The following OFD1 variants were observed in gnomAD, a reference collection of about 807,000 sequenced individuals.
OFD1 encodes the protein centriole and centriolar satellite protein OFD1.
A neutral mutation model predicts 81.4 loss-of-function variants in OFD1; 12 were observed. That is an observed-to-expected ratio of 0.15 (90% confidence interval 0.09 to 0.24). The LOEUF (loss-of-function observed/expected upper bound fraction) is 0.24, where lower values mean the gene tolerates loss of function less well. Ranked by LOEUF, OFD1 falls within the 10% of genes least tolerant of loss-of-function variation. The pLI, the probability that OFD1 is intolerant of heterozygous loss-of-function variation, is 1.00. For missense variants in OFD1, 685 were observed against 733.9 expected, an observed-to-expected ratio of 0.93 and a Z score of 0.77; for synonymous variants, 256 against 263.7, an observed-to-expected ratio of 0.97 and a Z score of 0.28.
At chrX:13,727,341 A>G in the OFD1 span, among the ~76,000 whole-genome samples, 1,578 of 112,343 alleles carry the variant, frequency 0.014, 30 homozygotes, top group African/African-American at 0.048. Context: ...AATTGACTAC[A>G]TAATTGGAAG....
chrX:13,767,316 T>C, intron 20 of OFD1, 32 bp downstream of exon 20: 1 of 1,195,176 alleles, frequency 8.4e-7, no homozygotes, highest in African/African-American at 1.7e-5. Flanking sequence ...TCTGAACTGG[T>C]TGCTCCATTG....
At chrX:13,716,800 C>G in the OFD1 span, 1 of 706,460 alleles carries the variant, frequency 1.4e-6, no homozygotes, top group Admixed American at 2.9e-5. Context: ...TGCTTTTATA[C>G]TTTGTTATTG....
At chrX:13,770,844 A>G (rs778887894), downstream of OFD1, among the ~76,000 whole-genome samples, 3 of 112,489 alleles carry the variant, frequency 2.7e-5, no homozygotes, top group Non-Finnish European at 5.6e-5. Flanking sequence ...TTTGATTTCC[A>G]TACCAATGTG....
At chrX:13,747,092 A>G in intron 8 of OFD1, 139 bp downstream of exon 8, 1 of 581,642 alleles carries the variant, frequency 1.7e-6, no homozygotes, top group Non-Finnish European at 2.9e-6. Context: ...GAGTGCAAAT[A>G]GAAGGATGGT....
rs1192138078 is a variant in OFD1, at chrX:13,734,922, A to G, written c.-150A>G. ...TGGGAGTGCGAGGCAGAGAACGTTC[A>G]GCACCTTTGTTCCTCCCGAACCCTC... On this transcript the variant is annotated 5_prime_UTR_variant, in exon 1 of 23. Coordinates refer to ENST00000340096, the MANE Select transcript of OFD1 (RefSeq NM_003611.3). 1 of 1,102,631 alleles carries G rather than the reference A, an allele frequency of 9.1e-7. No homozygotes were observed. Among genetic ancestry groups the G allele is most frequent in the Non-Finnish European group, 1.2e-6 (1 of 849,551 alleles). The allele number at this position is 1,102,631 out of a possible 1,213,427, so 90.9% of individuals were successfully genotyped here. A position where few individuals can be genotyped will look rare whatever the true frequency, so the allele number is the denominator to read the frequency against.
At chrX:13,768,260 G>C in intron 21 of OFD1, 36 bp downstream of exon 21, 2 of 1,032,803 alleles carry the variant, frequency 1.9e-6, no homozygotes, top group Non-Finnish European at 2.7e-6. Context: ...CTGTGGGTGG[G>C]GGACATCCAG....
the OFD1 span, among the ~76,000 whole-genome samples, chrX:13,714,827 C>T: frequency 8.9e-6 from 1 of 111,792 alleles, no homozygotes; most frequent in African/African-American, 3.3e-5. Context: ...ATCTCTATGG[C>T]CCTTTGGCTA....
chrX:13,736,690 C>T lies in OFD1; in HGVS notation c.312+12C>T. 8.5e-7 allele frequency: 1 copy of T among 1,176,229 alleles called. No homozygotes were observed. Among genetic ancestry groups the T allele is most frequent in the Non-Finnish European group, 1.2e-6 (1 of 863,759 alleles). ...TGGCAAAAGAAAAGGTAAAGTCTTT[C>T]CTTTTCTGTTTCTGAAGTTTTTATT... On this transcript the variant is annotated intron_variant, in intron 3 of 22. Coordinates refer to ENST00000340096, the MANE Select transcript of OFD1 (RefSeq NM_003611.3).
intron 5 of OFD1, among the ~76,000 whole-genome samples, chrX:13,743,587 C>T (rs921411794): frequency 4.4e-5 from 5 of 112,382 alleles, no homozygotes; most frequent in African/African-American, 1.6e-4. Context: ...ACTCCCTTGC[C>T]AACACTTAGC....
chrX:13,716,432 TG>T, the OFD1 span: 1 of 1,015,635 alleles, frequency 9.8e-7, no homozygotes, highest in East Asian at 3.1e-5. Flanking sequence ...TTCACCTGAC[TG>T]TGAAGTCTAC....
chrX:13,744,334 T>C (rs1454311784), intron 5 of OFD1, 81 bp from the exon 6 acceptor site: 2 of 563,964 alleles, frequency 3.5e-6, no homozygotes, highest in African/African-American at 4.6e-5. Context: ...AATGATAATG[T>C]CCTAAAACTA....
intron 9 of OFD1, among the ~76,000 whole-genome samples, chrX:13,751,024 C>T (rs1196495804): frequency 9.0e-6 from 1 of 111,590 alleles, no homozygotes; most frequent in African/African-American, 3.3e-5. Context: ...GAGACTCTCC[C>T]ACTCCCCTCA....
chrX:13,725,225 G>A, the OFD1 span, among the ~76,000 whole-genome samples: 1 of 113,099 alleles, frequency 8.8e-6, no homozygotes, highest in Non-Finnish European at 1.9e-5. Flanking sequence ...ATCCCTGTCT[G>A]ACAGCTCTGA....
chrX:13,716,203 G>A, the OFD1 span: 1 of 836,359 alleles, frequency 1.2e-6, no homozygotes, highest in Non-Finnish European at 1.6e-6. Flanking sequence ...TGGAAAAGTT[G>A]AATATATAAA....
At chrX:13,716,309 G>C in the OFD1 span, 2 of 548,441 alleles carry the variant, frequency 3.6e-6, no homozygotes, top group Non-Finnish European at 5.8e-6. Context: ...CCCTTGATAG[G>C]GTCCAGATAA....
intron 19 of OFD1, among the ~76,000 whole-genome samples, chrX:13,764,786 G>C (rs1602927331): frequency 8.9e-6 from 1 of 112,187 alleles, no homozygotes; most frequent in African/African-American, 3.2e-5. Flanking sequence ...GCTTTGGAAA[G>C]CATTCAGTGA....
chrX:13,766,862 T>G (rs1295250415), intron 19 of OFD1, among the ~76,000 whole-genome samples: 2 of 111,115 alleles, frequency 1.8e-5, no homozygotes, highest in East Asian at 5.7e-4. Flanking sequence ...GATGAGAACA[T>G]GTGACATGGA....
In OFD1 at chrX:13,735,588, CAAT is replaced by C. The variant is rs1414886729; in HGVS notation, c.111+245_111+247del. ...ATATTCAAATAATTAATTGAACTGA[CAAT>C]AAGATAGGAGAAGGAAATATTTGTA... On this transcript the variant is annotated intron_variant, in intron 2 of 22. Coordinates refer to ENST00000340096, the MANE Select transcript of OFD1 (RefSeq NM_003611.3). Among the ~76,000 whole-genome samples the C allele has an allele frequency of 3.6e-5, 4 of 111,853 alleles. No individual in the cohort carries two copies. In the Admixed American group the frequency reaches 3.8e-4, roughly 11 times the overall value.
At position 13,759,402 on chromosome X, in the gene OFD1, A is replaced by G. The variant is rs17264371; in HGVS notation, c.1655-713A>G. ...ATGAGGATAGAACTCTTTCGCATGC[A>G]TGTGTTGCCGAGGGCAAGCTTCTTT... On this transcript the variant is annotated intron_variant, in intron 15 of 22. Transcript: ENST00000340096. Among the ~76,000 whole-genome samples, 833 of 112,531 alleles carry G rather than the reference A, an allele frequency of 7.4e-3. 9 individuals are homozygous for G. Among genetic ancestry groups the G allele is most frequent in the East Asian group, 0.059 (213 of 3,600 alleles).
Sources: allele counts gnomAD v4.1 joint callset (sites outside exome capture counted in the v4.1 genomes callset), GRCh38; gene constraint gnomAD v4.1.1; transcripts MANE v1.5; gene names NCBI Gene and HGNC (gene_info 2026-07-23, HGNC 2026-07-21).